The following KIF26B variants were observed in gnomAD, a reference collection of about 807,000 sequenced individuals.
The protein encoded by KIF26B is kinesin family member 26B, also known as kinesin-like protein KIF26B.
A neutral mutation model predicts 151.2 loss-of-function variants in KIF26B; 63 were observed. The observed-to-expected ratio is 0.42, with a 90% confidence interval of 0.34 to 0.51. KIF26B has a LOEUF of 0.51. Ranked by LOEUF, KIF26B falls within the 20% of genes least tolerant of loss-of-function variation. The pLI is 0.07. For missense variants in KIF26B, 2,813 were observed against 2,913.6 expected (o/e 0.97, Z 0.79); for synonymous variants, 1,357 against 1,262.1 (o/e 1.08, Z -1.59).
intron 4 of KIF26B, among the ~76,000 whole-genome samples, chr1:245,531,894 C>A (rs1661370119): frequency 6.6e-6 from 1 of 152,130 alleles, no homozygotes; most frequent in Non-Finnish European, 1.5e-5. Context: ...GCGAGGAGTT[C>A]AAGACCATCC....
chr1:245,229,773 G>C (rs928859010), intron 2 of KIF26B, among the ~76,000 whole-genome samples: 9 of 152,128 alleles, frequency 5.9e-5, no homozygotes, highest in African/African-American at 2.2e-4. Context: ...CTTAATTTCT[G>C]TTATTTTCCA....
chr1:245,385,402 A>G (rs150303831), intron 3 of KIF26B, among the ~76,000 whole-genome samples: 2,224 of 152,352 alleles, frequency 0.015, 38 homozygotes, highest in Non-Finnish European at 0.024. Flanking sequence ...TGCTATTAGT[A>G]TAATCTCTGT....
intron 4 of KIF26B, among the ~76,000 whole-genome samples, chr1:245,431,383 C>T (rs539464640): frequency 1.4e-5 from 2 of 144,556 alleles, no homozygotes; most frequent in East Asian, 2.0e-4. Context: ...CTTGCATTGT[C>T]GCCCAGGCTA....
At chr1:245,473,043 G>A (rs1659948974) in intron 4 of KIF26B, among the ~76,000 whole-genome samples, 1 of 152,252 alleles carries the variant, frequency 6.6e-6, no homozygotes, top group African/African-American at 2.4e-5. Flanking sequence ...TCTGTCTCGT[G>A]CAACTTACCC....
At chr1:245,468,757 A>G (rs928419046) in intron 4 of KIF26B, among the ~76,000 whole-genome samples, 1 of 152,110 alleles carries the variant, frequency 6.6e-6, no homozygotes, top group Non-Finnish European at 1.5e-5. Context: ...ATAAAGTTAT[A>G]ACGTCCGGCA....
In KIF26B at chr1:245,540,828, G is replaced by C. The variant is rs61754898; in HGVS notation, c.1228G>C (p.Ala410Pro). The change falls in exon 5 of 15, where the codon GCT (alanine) becomes CCT (proline). Residue 410 changes from alanine (A) to proline (P), a missense_variant. Transcript: ENST00000407071. The surrounding 1 kb of genome is among the most constrained non-coding windows in gnomAD (Gnocchi z 4.6). ...GAAACATCGGCCTTCCACTTCTTCC[G>C]CTGCCGAACCACCGCTCTTTGCAAC... is the stretch of plus-strand genomic sequence containing the variant. ...KKKHRPSTSS[A>P]AEPPLFATSF... 0.12 allele frequency: 187,113 copies of C among 1,613,628 alleles called. 12,545 individuals are homozygous for C. Among genetic ancestry groups the C allele is most frequent in the East Asian group, 0.27 (11,903 of 44,868 alleles).
At chr1:245,514,757 C>T (rs900831162) in intron 4 of KIF26B, among the ~76,000 whole-genome samples, 2 of 152,082 alleles carry the variant, frequency 1.3e-5, no homozygotes, top group African/African-American at 2.4e-5. Context: ...TGTAGTAGAA[C>T]CCAGAGCTGT....
chr1:245,179,845 G>T (rs969054784), intron 2 of KIF26B, among the ~76,000 whole-genome samples: 1 of 152,204 alleles, frequency 6.6e-6, no homozygotes, highest in Non-Finnish European at 1.5e-5. Flanking sequence ...GGAGACAGAG[G>T]GTGGACAGGA....
chr1:245,664,359 C>CAAA (rs10661396), intron 10 of KIF26B, among the ~76,000 whole-genome samples: 14,444 of 140,558 alleles, frequency 0.1, 832 homozygotes, highest in Middle Eastern at 0.12. Flanking sequence ...AACTCCATCT[C>CAAA]AAAAAAAAAA....
Position 245,646,207 on chromosome 1 carries a change from C to T in KIF26B, c.2185C>T (p.Leu729=). The change falls in exon 10 of 15, where the codon CTG becomes TTG. Residue 729 remains leucine, a synonymous_variant. Transcript: ENST00000407071. ...LSKNREGGSG[L]CLSLSALGNV... ...CAAAAATCGAGAAGGAGGCTCAGGG[C>T]TGTGTCTCTCGCTGTCTGCTCTGGG... is the stretch of plus-strand genomic sequence containing the variant. 1 of 1,613,974 alleles carries T rather than the reference C, an allele frequency of 6.2e-7. No homozygotes were observed. The highest frequency in any genetic ancestry group is 8.5e-7 in the Non-Finnish European group (1 of 1,179,892).
At chr1:245,374,442 A>G (rs1001154671) in intron 3 of KIF26B, among the ~76,000 whole-genome samples, 2 of 151,926 alleles carry the variant, frequency 1.3e-5, no homozygotes, top group Non-Finnish European at 2.9e-5. Context: ...ACCACTTTTC[A>G]AGAAGGAACA....
At chr1:245,477,182 C>A (rs1409605608) in intron 4 of KIF26B, among the ~76,000 whole-genome samples, 1 of 151,878 alleles carries the variant, frequency 6.6e-6, no homozygotes, top group Non-Finnish European at 1.5e-5. Flanking sequence ...CTTGATGCTC[C>A]CTCTTAGCTC....
At chr1:245,395,773 T>A (rs932439784) in intron 3 of KIF26B, among the ~76,000 whole-genome samples, 2 of 152,218 alleles carry the variant, frequency 1.3e-5, no homozygotes, top group African/African-American at 2.4e-5. Flanking sequence ...TTGTATTTAT[T>A]CACTGCACTG....
intron 9 of KIF26B, among the ~76,000 whole-genome samples, chr1:245,617,148 T>C (rs1248189027): frequency 2.0e-5 from 3 of 152,306 alleles, no homozygotes; most frequent in Admixed American, 1.3e-4. Context: ...CAGGCTGGAG[T>C]GCAGTGGCGC....
intron 4 of KIF26B, among the ~76,000 whole-genome samples, chr1:245,530,549 G>A (rs1661338421): frequency 6.6e-6 from 1 of 152,194 alleles, no homozygotes; most frequent in African/African-American, 2.4e-5. Context: ...GATGGAACTG[G>A]AGGTCATTAT....
chr1:245,492,086 C>T (rs941820141), intron 4 of KIF26B, among the ~76,000 whole-genome samples: 2 of 152,166 alleles, frequency 1.3e-5, no homozygotes, highest in African/African-American at 2.4e-5. Flanking sequence ...GAAGCTTCCA[C>T]GATACTCTGT....
At chr1:245,195,437 C>T (rs191726083) in intron 2 of KIF26B, among the ~76,000 whole-genome samples, 7 of 152,264 alleles carry the variant, frequency 4.6e-5, no homozygotes, top group East Asian at 3.9e-4. Context: ...TTGTGAGATG[C>T]GCTAGGTGGA....
rs1279218600 is a variant in KIF26B at position 245,705,441 on chromosome 1, A to G, written c.*2835A>G. 2.0e-5 allele frequency: 3 copies of G among 152,180 alleles called. No homozygotes were observed. The highest frequency in any genetic ancestry group is 2.9e-5 in the Non-Finnish European group (2 of 68,038). The allele number at this position is 152,180 out of a possible 1,614,324, so 9.4% of individuals were successfully genotyped here. ...AAGGAGTTCCGGCTGACCATTCTGAAGCAGTCCCAGTCACGGGAGGATGCC... is the reference window on the plus strand; with the variant it reads ...AAGGAGTTCCGGCTGACCATTCTGAGGCAGTCCCAGTCACGGGAGGATGCC... On this transcript the variant is annotated 3_prime_UTR_variant, in exon 15 of 15. Coordinates refer to ENST00000407071, the MANE Select transcript of KIF26B (RefSeq NM_018012.4).
At chr1:245,612,087 TGTGTGTGTGTGTGTGTGTGAGAGA>T in intron 9 of KIF26B, 111 bp downstream of exon 9, 2 of 737,500 alleles carry the variant, frequency 2.7e-6, no homozygotes, top group South Asian at 1.9e-5. Flanking sequence ...TGTGTGTGTG[TGTGTGTGTGTGTGTGTGTGAGAGA>T]GAGAGAGAGA....
Sources: allele counts gnomAD v4.1 joint callset (sites outside exome capture counted in the v4.1 genomes callset), GRCh38; gene constraint gnomAD v4.1.1; non-coding constraint Gnocchi (gnomAD v3.1); transcripts MANE v1.5; gene names NCBI Gene and HGNC (gene_info 2026-07-23, HGNC 2026-07-21).